Variants in PRICKLE2 observed in about 807,000 individuals in gnomAD.
The protein encoded by PRICKLE2 is prickle-like protein 2.
PRICKLE2 carries 21 observed loss-of-function variants against 81.4 expected under a neutral mutation model. The observed-to-expected ratio is 0.26, with a 90% CI of 0.18 to 0.37. The LOEUF is 0.37. Ranked by LOEUF, PRICKLE2 falls within the 10% of genes least tolerant of loss-of-function variation. The pLI, the probability that PRICKLE2 is intolerant of heterozygous loss-of-function variation, is 1.00. For synonymous variants in PRICKLE2, 456 were observed against 421.5 expected (o/e 1.08, Z -1.00); for missense variants, 940 against 1,109.0 (o/e 0.85, Z 2.16).
At chr3:64,132,419 C>T (rs894762936) in intron 7 of PRICKLE2, among the ~76,000 whole-genome samples, 7 of 152,152 alleles carry the variant, frequency 4.6e-5, no homozygotes, top group African/African-American at 1.7e-4. Context: ...AGCTTGGCTG[C>T]AGCATTCTAC....
intron 2 of PRICKLE2, among the ~76,000 whole-genome samples, chr3:64,244,709 T>C (rs961435428): frequency 3.3e-5 from 5 of 151,946 alleles, no homozygotes; most frequent in Admixed American, 3.3e-4. Flanking sequence ...TATTCATACA[T>C]GCCACAAAAC....
rs1327404596 is a variant in PRICKLE2, at chr3:64,241,440, T to C, written c.129-42473A>G. Among the ~76,000 whole-genome samples, 3 of 152,238 alleles carry C rather than the reference T, an allele frequency of 2.0e-5. No individual in the cohort carries two copies. In the East Asian group the frequency reaches 5.8e-4, roughly 29 times the overall value. On this transcript the variant is annotated intron_variant, in intron 2 of 8. Transcript: ENST00000295902. The stretch of plus-strand genomic sequence containing the variant: ...ATCTACTTATATTGACATAAATGCA[T>C]GTGTGCATACACATACATGTATATA...
chr3:64,207,625 G>A (rs1400558248), intron 1 of PRICKLE2, among the ~76,000 whole-genome samples: 1 of 152,072 alleles, frequency 6.6e-6, no homozygotes, highest in Non-Finnish European at 1.5e-5. Context: ...CCTGCAGCAG[G>A]ATCAACAATC....
intron 2 of PRICKLE2, chr3:64,190,372 A>G (rs1317534876): frequency 6.7e-6 from 1 of 150,088 alleles, no homozygotes; most frequent in Non-Finnish European, 1.5e-5. Context: ...AATATTTACA[A>G]TCCTATTCTT....
chr3:64,103,199 T>C (rs989161583), intron 7 of PRICKLE2: 1 of 152,188 alleles, frequency 6.6e-6, no homozygotes, highest in Non-Finnish European at 1.5e-5. Context: ...ACATTTTTGG[T>C]TGTCACTATT....
chr3:64,147,085 G>C lies in PRICKLE2; in HGVS notation c.1405C>G (p.Arg469Gly). 1 of 1,614,044 alleles carries C rather than the reference G, an allele frequency of 6.2e-7. No homozygotes were observed. ...AGCCTCCCCGGGTAATAGTCTTCTCGGCATTCCTTGATGAAGCTGCCAGCA... is the reference window on the plus strand; with the variant it reads ...AGCCTCCCCGGGTAATAGTCTTCTCCGCATTCCTTGATGAAGCTGCCAGCA... ...GHAGSFIKECREDYYPGRLRS... is the reference protein window; with the variant it reads ...GHAGSFIKECGEDYYPGRLRS... Residue 469 changes from arginine (R) to glycine (G), a missense_variant, in exon 7 of 8, where the codon CGA (arginine) becomes GGA (glycine). Arg to Gly is a moderately radical substitution (Grantham distance 125, BLOSUM62 -2). Coordinates refer to ENST00000638394, the MANE Select transcript of PRICKLE2 (RefSeq NM_198859.4). The surrounding 1 kb of genome is among the most constrained non-coding windows in gnomAD (Gnocchi z 5.0).
At chr3:64,181,352 G>A (rs372565426) in intron 2 of PRICKLE2, among the ~76,000 whole-genome samples, 7 of 152,180 alleles carry the variant, frequency 4.6e-5, no homozygotes, top group African/African-American at 1.4e-4. Context: ...GCATCCTTCC[G>A]CATCCTGACA....
intron 7 of PRICKLE2, among the ~76,000 whole-genome samples, chr3:64,118,799 A>ACT (rs2106963779): frequency 6.6e-6 from 1 of 152,302 alleles, no homozygotes; most frequent in East Asian, 1.9e-4. Flanking sequence ...TAGTTCAACC[A>ACT]CTGTGGAAGA....
chr3:64,127,127 C>A (rs776550083), intron 7 of PRICKLE2, among the ~76,000 whole-genome samples: 5 of 152,106 alleles, frequency 3.3e-5, no homozygotes, highest in Non-Finnish European at 7.4e-5. Context: ...GTAAAATATA[C>A]ACTATGTCAA....
chr3:64,125,224 C>G (rs1440996525), intron 7 of PRICKLE2, among the ~76,000 whole-genome samples: 1 of 151,870 alleles, frequency 6.6e-6, no homozygotes, highest in East Asian at 1.9e-4. Flanking sequence ...TGAATTGTTG[C>G]TTTTTATGGA....
At chr3:64,219,044 C>T (rs1236334755) in intron 1 of PRICKLE2, among the ~76,000 whole-genome samples, 6 of 152,178 alleles carry the variant, frequency 3.9e-5, no homozygotes, top group African/African-American at 4.8e-5. Flanking sequence ...AAAGGTCAGA[C>T]GTTCTTCCAG....
intron 2 of PRICKLE2, among the ~76,000 whole-genome samples, chr3:64,259,635 AGAGATTAT>A (rs4018888): frequency 0.87 from 132,051 of 151,640 alleles, 57,993 homozygotes; most frequent in African/African-American, 0.93. Flanking sequence ...TTTGAAAGGA[AGAGATTAT>A]GAGATTATGT....
At chr3:64,166,642 C>T (rs1289190365) in intron 2 of PRICKLE2, among the ~76,000 whole-genome samples, 1 of 152,178 alleles carries the variant, frequency 6.6e-6, no homozygotes, top group Non-Finnish European at 1.5e-5. Flanking sequence ...TATCTTCTCA[C>T]AAGGTAACTA....
At chr3:64,160,125 A>T (rs2077708279) in intron 3 of PRICKLE2, 48 bp from the exon 4 acceptor site, 6 of 1,596,644 alleles carry the variant, frequency 3.8e-6, no homozygotes, top group Non-Finnish European at 5.1e-6. Flanking sequence ...CTTGCTCCTT[A>T]AGATTTCTGA....
At chr3:64,183,855 GCT>G (rs2107085037) in intron 2 of PRICKLE2, among the ~76,000 whole-genome samples, 1 of 152,306 alleles carries the variant, frequency 6.6e-6, no homozygotes, top group East Asian at 1.9e-4. Flanking sequence ...GCACTTGAAT[GCT>G]CTCTTTTCTG....
intron 2 of PRICKLE2, among the ~76,000 whole-genome samples, chr3:64,192,330 T>G (rs2078358741): frequency 6.6e-6 from 1 of 152,158 alleles, no homozygotes; most frequent in African/African-American, 2.4e-5. Context: ...ATTCCTGCCC[T>G]CCTGGGCCTT....
At chr3:64,123,624 T>G (rs1174875783) in intron 7 of PRICKLE2, among the ~76,000 whole-genome samples, 1 of 152,236 alleles carries the variant, frequency 6.6e-6, no homozygotes, top group East Asian at 1.9e-4. Flanking sequence ...TCTGTCACAT[T>G]GTGGTAATTC....
At chr3:64,100,667 C>T (rs2076644834) in intron 7 of PRICKLE2, 1 of 152,216 alleles carries the variant, frequency 6.6e-6, no homozygotes, top group Non-Finnish European at 1.5e-5. Flanking sequence ...GTTTGATGCT[C>T]TCAAACAGTG....
intron 2 of PRICKLE2, among the ~76,000 whole-genome samples, chr3:64,233,310 C>G (rs2079132886): frequency 1.3e-5 from 2 of 152,192 alleles, no homozygotes; most frequent in Admixed American, 6.5e-5. Context: ...CATCTTGATT[C>G]TCTGAAAACA....
Sources: allele counts gnomAD v4.1 joint callset (sites outside exome capture counted in the v4.1 genomes callset), GRCh38; gene constraint gnomAD v4.1.1; non-coding constraint Gnocchi (gnomAD v3.1); transcripts MANE v1.5; gene names NCBI Gene and HGNC (gene_info 2026-07-23, HGNC 2026-07-21).